Variants in C11orf65 observed in about 807,000 individuals in gnomAD.
The protein encoded by C11orf65 is protein MFI.
In C11orf65, 38 loss-of-function variants were observed where a neutral mutation model predicts 35.3. The observed-to-expected ratio is 1.08, with a 90% confidence interval of 0.83 to 1.41. The LOEUF (loss-of-function observed/expected upper bound fraction) is 1.41. Among genes scored for constraint, C11orf65 ranks in the 40% most tolerant of loss-of-function variants. C11orf65 has a pLI of 0.00. For missense variants in C11orf65, 370 were observed against 367.1 expected (o/e 1.01, Z -0.06); for synonymous variants, 105 against 114.4 (o/e 0.92, Z 0.53).
chr11:108,453,440 AT>A (rs2093376435), intron 2 of C11orf65, among the ~76,000 whole-genome samples: 1 of 152,164 alleles, frequency 6.6e-6, no homozygotes, highest in African/African-American at 2.4e-5. Context: ...AAACATGCTA[AT>A]TAAAAGACAA....
chr11:108,457,949 T>G (rs2093427442), intron 2 of C11orf65, among the ~76,000 whole-genome samples: 1 of 152,090 alleles, frequency 6.6e-6, no homozygotes, highest in African/African-American at 2.4e-5. Context: ...TGTATTCTCT[T>G]CACATCTTAG....
At chr11:108,399,800 T>C (rs1238365673) in intron 6 of C11orf65, among the ~76,000 whole-genome samples, 1 of 152,208 alleles carries the variant, frequency 6.6e-6, no homozygotes, top group Non-Finnish European at 1.5e-5. Flanking sequence ...GGTCAGTCCA[T>C]GATCATAGCA....
At chr11:108,324,258 G>A (rs2085444054) in intron 6 of C11orf65, among the ~76,000 whole-genome samples, 1 of 152,062 alleles carries the variant, frequency 6.6e-6, no homozygotes, top group Non-Finnish European at 1.5e-5. Flanking sequence ...AAAATGCCCT[G>A]CCATTTTAAA....
intron 2 of C11orf65, among the ~76,000 whole-genome samples, chr11:108,442,297 C>T (rs1353991584): frequency 6.6e-6 from 1 of 152,132 alleles, no homozygotes; most frequent in African/African-American, 2.4e-5. Context: ...AAAGAACGAA[C>T]AAAGCCTCTA....
intron 3 of C11orf65, among the ~76,000 whole-genome samples, chr11:108,419,671 C>T (rs900455412): frequency 2.6e-5 from 4 of 152,320 alleles, no homozygotes; most frequent in South Asian, 4.1e-4. Flanking sequence ...CAATGCACTC[C>T]AGCCTGGGTA....
chr11:108,453,951 G>T (rs912416065), intron 2 of C11orf65, among the ~76,000 whole-genome samples: 2 of 152,078 alleles, frequency 1.3e-5, no homozygotes, highest in African/African-American at 2.4e-5. Flanking sequence ...TTAATTTTTT[G>T]AAAGAGTTTG....
chr11:108,469,245 A>C (rs900263253), upstream of C11orf65, among the ~76,000 whole-genome samples: 1 of 151,802 alleles, frequency 6.6e-6, no homozygotes, highest in African/African-American at 2.4e-5. Flanking sequence ...TCAAAATTAC[A>C]CAACAATGTG....
rs1278344301 is a variant in C11orf65 at position 108,406,902 on chromosome 11, C to G, written c.290G>C (p.Cys97Ser). ...TGCATAATTTCTAGGGCTGTTAGCA[C>G]AGAGATCTTCAATAGGTCTGTGAGT... ...IFTHRPIEDL[C>S]ANSPRNYAKL... Residue 97 changes from cysteine (C) to serine (S), a missense_variant, in exon 5 of 9, where the codon TGT becomes TCT. Transcript: ENST00000393084. 3.1e-6 allele frequency: 5 copies of G among 1,612,622 alleles called. No individual in the cohort carries two copies. The highest frequency in any genetic ancestry group is 3.4e-6 in the Non-Finnish European group (4 of 1,178,950).
At chr11:108,463,222 T>C (rs1286346892) in intron 1 of C11orf65, among the ~76,000 whole-genome samples, 2 of 145,946 alleles carry the variant, frequency 1.4e-5, no homozygotes, top group African/African-American at 2.4e-5. Flanking sequence ...TTTAAACATA[T>C]AACATACATC....
intron 2 of C11orf65, among the ~76,000 whole-genome samples, chr11:108,375,689 G>A (rs901609506): frequency 6.6e-5 from 10 of 152,084 alleles, no homozygotes; most frequent in African/African-American, 2.4e-4. Context: ...ACACAGACTG[G>A]CAAATTGGAT....
At chr11:108,377,528 T>C (rs1377232064) in intron 2 of C11orf65, among the ~76,000 whole-genome samples, 1 of 152,002 alleles carries the variant, frequency 6.6e-6, no homozygotes, top group Non-Finnish European at 1.5e-5. Context: ...AATATCATAC[T>C]GAATGGGCAA....
intron 6 of C11orf65, among the ~76,000 whole-genome samples, chr11:108,401,542 T>A (rs2092439086): frequency 6.6e-6 from 1 of 152,158 alleles, no homozygotes; most frequent in South Asian, 2.1e-4. Context: ...AAAACATGTT[T>A]TCCTTGAAAA....
At chr11:108,369,749 C>T (rs1466645412) in intron 2 of C11orf65, among the ~76,000 whole-genome samples, 1 of 152,020 alleles carries the variant, frequency 6.6e-6, no homozygotes, top group African/African-American at 2.4e-5. Context: ...TGGTTCTTAA[C>T]CAGGGGTGAT....
At chr11:108,378,562 T>C (rs1475661150), downstream of C11orf65, among the ~76,000 whole-genome samples, 1 of 127,272 alleles carries the variant, frequency 7.9e-6, no homozygotes, top group Non-Finnish European at 1.6e-5. Context: ...ATTCAGGACA[T>C]AGGCATGGGC....
chr11:108,422,083 C>G (rs1346211218), intron 3 of C11orf65, among the ~76,000 whole-genome samples: 1 of 152,236 alleles, frequency 6.6e-6, no homozygotes, highest in East Asian at 1.9e-4. Flanking sequence ...GCGCATGCCA[C>G]CATGCCTGGC....
chr11:108,468,931 C>T (rs902243099), upstream of C11orf65, among the ~76,000 whole-genome samples: 4 of 151,982 alleles, frequency 2.6e-5, no homozygotes, highest in African/African-American at 9.7e-5. Flanking sequence ...TGGTGAAACC[C>T]CCTCTCTACT....
Position 108,331,513 on chromosome 11 carries a change from AC to A in C11orf65, c.*36del. ...GTACCAATTGGCTGCTAGAATGGGGACCAAGATGATGGGAGGCCTAGGATTT... is the reference window on the plus strand; with the variant it reads ...GTACCAATTGGCTGCTAGAATGGGGACAAGATGATGGGAGGCCTAGGATTT... On this transcript the variant is annotated 3_prime_UTR_variant, in exon 4 of 4. Coordinates refer to the C11orf65 transcript ENST00000524755. The A allele has an allele frequency of 6.2e-7, 1 of 1,613,428 alleles. No individual in the cohort carries two copies. Among genetic ancestry groups the A allele is most frequent in the Non-Finnish European group, 8.5e-7 (1 of 1,179,718 alleles).
At chr11:108,386,467 A>G (rs769016991) in intron 7 of C11orf65, among the ~76,000 whole-genome samples, 1 of 152,214 alleles carries the variant, frequency 6.6e-6, no homozygotes, top group Admixed American at 6.5e-5. Context: ...CTGTCTTTGC[A>G]GTGTCCAGAA....
Position 108,402,036 on chromosome 11 carries a change from GTAAT to G in C11orf65, c.560+3389_560+3392del, listed in dbSNP as rs778363084. Among the ~76,000 whole-genome samples, 19 of 152,320 alleles carry G rather than the reference GTAAT, an allele frequency of 1.2e-4. No individual in the cohort carries two copies. The East Asian group carries it at 1.5e-3, about 12-fold the overall frequency. ...CTGAGATTCCTGGCAATGTAGATTA[GTAAT>G]TTCTTGTAACTGTTCTGGTTTATAA... On this transcript the variant is annotated intron_variant, in intron 6 of 8. Coordinates refer to ENST00000393084, the MANE Select transcript of C11orf65 (RefSeq NM_152587.5).
Sources: gnomAD v4.1 joint callset for allele counts (sites outside exome capture counted in the v4.1 genomes callset) on GRCh38, gnomAD v4.1.1 for gene constraint, MANE v1.5 for transcripts, NCBI Gene and HGNC (gene_info 2026-07-23, HGNC 2026-07-21) for gene names.